The following XRRA1 variants were observed in gnomAD, a reference collection of about 807,000 sequenced individuals.
XRRA1 encodes X-ray radiation resistance-associated protein 1.
In XRRA1, 69 loss-of-function variants were observed where a neutral mutation model predicts 80.2. That is an observed-to-expected ratio of 0.86 (90% confidence interval 0.71 to 1.05). The LOEUF is 1.05. Ranked by LOEUF, XRRA1 falls within the 50% of genes least tolerant of loss-of-function variation. The pLI, the probability that XRRA1 is intolerant of heterozygous loss-of-function variation, is 0.00. For missense variants in XRRA1, 967 were observed against 976.4 expected (o/e 0.99, Z 0.13); for synonymous variants, 348 against 389.9 (o/e 0.89, Z 1.27).
intron 2 of XRRA1, among the ~76,000 whole-genome samples, chr11:74,944,555 C>G (rs891609328): frequency 6.6e-6 from 1 of 152,174 alleles, no homozygotes; most frequent in African/African-American, 2.4e-5. Flanking sequence ...TTTCCTGATC[C>G]CTGATTTTCC....
At chr11:74,917,421 T>A (rs1415585790) in intron 8 of XRRA1, among the ~76,000 whole-genome samples, 4 of 152,302 alleles carry the variant, frequency 2.6e-5, no homozygotes, top group Admixed American at 2.6e-4. Flanking sequence ...GAAGATTATT[T>A]GTGTCCACAG....
chr11:74,932,169 C>T (rs1397392350), intron 5 of XRRA1, among the ~76,000 whole-genome samples: 1 of 152,214 alleles, frequency 6.6e-6, no homozygotes, highest in African/African-American at 2.4e-5. Flanking sequence ...TTCTCCCAGT[C>T]TCAGCTTATC....
chr11:74,850,195 G>C (rs1307857588), intron 14 of XRRA1, among the ~76,000 whole-genome samples: 1 of 152,176 alleles, frequency 6.6e-6, no homozygotes, highest in African/African-American at 2.4e-5. Context: ...CTCTGAGTCT[G>C]TTGCTTCATC....
At chr11:74,899,096 A>G (rs2053043117) in intron 10 of XRRA1, among the ~76,000 whole-genome samples, 1 of 152,196 alleles carries the variant, frequency 6.6e-6, no homozygotes, top group South Asian at 2.1e-4. Flanking sequence ...TTAGAAATCA[A>G]TGATAAGAGG....
intron 10 of XRRA1, among the ~76,000 whole-genome samples, chr11:74,877,907 A>C (rs558088806): frequency 7.7e-4 from 117 of 152,052 alleles, no homozygotes; most frequent in African/African-American, 2.8e-3. Context: ...ATTGTGAATA[A>C]TGCTGCAATA....
intron 4 of XRRA1, 133 bp from the exon 5 acceptor site, chr11:74,934,005 T>C (rs1944304604): frequency 1.3e-6 from 1 of 768,970 alleles, no homozygotes; most frequent in Non-Finnish European, 2.1e-6. Context: ...ATTCATTCAT[T>C]CATTCATTCA....
chr11:74,901,371 C>T (rs1276818268), intron 10 of XRRA1, among the ~76,000 whole-genome samples: 1 of 152,090 alleles, frequency 6.6e-6, no homozygotes, highest in East Asian at 1.9e-4. Flanking sequence ...GTACTGAAAG[C>T]ATTCTAGAGA....
chr11:74,877,607 C>T (rs1936391662), intron 10 of XRRA1, among the ~76,000 whole-genome samples: 2 of 106,904 alleles, frequency 1.9e-5, no homozygotes, highest in South Asian at 7.9e-4. Flanking sequence ...TGCTATCCCT[C>T]CCCCCTCCCC....
intron 10 of XRRA1, among the ~76,000 whole-genome samples, chr11:74,895,814 G>T (rs2052158407): frequency 6.6e-6 from 1 of 152,074 alleles, no homozygotes; most frequent in Non-Finnish European, 1.5e-5. Flanking sequence ...CACACTCTTG[G>T]CCAAAAGGGA....
intron 12 of XRRA1, among the ~76,000 whole-genome samples, chr11:74,857,427 G>A (rs1483256085): frequency 2.0e-5 from 3 of 151,996 alleles, no homozygotes; most frequent in Non-Finnish European, 4.4e-5. Context: ...CATACATTTG[G>A]TAGATATAAA....
At chr11:74,895,601 G>A (rs1444907613) in intron 10 of XRRA1, among the ~76,000 whole-genome samples, 2 of 152,218 alleles carry the variant, frequency 1.3e-5, no homozygotes, top group Non-Finnish European at 2.9e-5. Flanking sequence ...GCGCAGCTAA[G>A]GGAGTGCTTG....
At chr11:74,933,707 G>C in intron 5 of XRRA1, 94 bp downstream of exon 5, 3 of 1,142,044 alleles carry the variant, frequency 2.6e-6, no homozygotes, top group Non-Finnish European at 3.9e-6. Context: ...CCAGTCCCTA[G>C]GGACTCTGGA....
intron 7 of XRRA1, among the ~76,000 whole-genome samples, chr11:74,922,844 G>C (rs993856742): frequency 2.0e-5 from 3 of 152,136 alleles, no homozygotes; most frequent in African/African-American, 7.2e-5. Context: ...TTCTTATGTA[G>C]ATAAAGCCTT....
intron 10 of XRRA1, among the ~76,000 whole-genome samples, chr11:74,885,929 G>A (rs903341708): frequency 6.6e-6 from 1 of 152,026 alleles, no homozygotes; most frequent in Non-Finnish European, 1.5e-5. Flanking sequence ...CAATAAATGT[G>A]ATTTATCACA....
chr11:74,860,183 G>A (rs2042020043), intron 11 of XRRA1, among the ~76,000 whole-genome samples: 1 of 152,142 alleles, frequency 6.6e-6, no homozygotes, highest in South Asian at 2.1e-4. Flanking sequence ...ACCCTTCTGG[G>A]TCAACTTGTA....
rs374618106 is a variant in XRRA1, at chr11:74,883,501, C to T, written c.1004-20480G>A. ...GTCGCTCACGCTGGGAGCTGTAGAC[C>T]GGAGCTGTTCCTATTCGGCCATCTT... On this transcript the variant is annotated intron_variant, in intron 10 of 18. Transcript: ENST00000684022. Among the ~76,000 whole-genome samples, 1,114 of 151,896 alleles carry T rather than the reference C, an allele frequency of 7.3e-3. 7 individuals carry two copies. Among genetic ancestry groups the T allele is most frequent in the Non-Finnish European group, 0.011 (736 of 67,868 alleles).
intron 8 of XRRA1, among the ~76,000 whole-genome samples, chr11:74,916,702 C>G (rs1193632305): frequency 7.2e-5 from 11 of 152,056 alleles, no homozygotes; most frequent in African/African-American, 1.9e-4. Context: ...CCATATTTTT[C>G]TGTTTCTTTG....
At chr11:74,933,694 T>C in intron 5 of XRRA1, 107 bp downstream of exon 5, 1 of 971,326 alleles carries the variant, frequency 1.0e-6, no homozygotes, top group Non-Finnish European at 1.6e-6. Flanking sequence ...CGTGACCAGA[T>C]TTCCAGTCCC....
intron 10 of XRRA1, among the ~76,000 whole-genome samples, chr11:74,870,383 G>A (rs1201157129): frequency 3.3e-5 from 5 of 152,170 alleles, no homozygotes; most frequent in Non-Finnish European, 7.3e-5. Flanking sequence ...TGCCCACTGA[G>A]CATCAGTAAC....
Sources: allele counts gnomAD v4.1 joint callset (sites outside exome capture counted in the v4.1 genomes callset), GRCh38; gene constraint gnomAD v4.1.1; transcripts MANE v1.5; gene names NCBI Gene and HGNC (gene_info 2026-07-23, HGNC 2026-07-21).